The following AHDC1 variants were observed in gnomAD, a reference collection of about 807,000 sequenced individuals.
AHDC1 encodes transcription factor Gibbin.
Under a neutral mutation model 87.9 loss-of-function variants are expected in AHDC1, and 7 were observed. That is an observed-to-expected ratio of 0.08 (90% CI 0.05 to 0.15). The LOEUF (loss-of-function observed/expected upper bound fraction) is 0.15, where lower values mean the gene tolerates loss of function less well. AHDC1 is among the 10% of genes least tolerant of loss of function. AHDC1 has a pLI of 1.00. For synonymous variants in AHDC1, 1,051 were observed against 1,006.8 expected (o/e 1.04, Z -0.83); for missense variants, 1,841 against 2,253.2 (o/e 0.82, Z 3.70).
rs1464599617 is a variant in AHDC1 at position 27,562,346 on chromosome 1, C to A, written c.-628-3463G>T. Among the ~76,000 whole-genome samples the A allele has an allele frequency of 6.6e-6, 1 of 152,146 alleles. No individual in the cohort carries two copies. Among genetic ancestry groups the A allele is most frequent in the Non-Finnish European group, 1.5e-5 (1 of 68,008 alleles). ...CCCCGGTGCACTGATCGACTGACTA[C>A]CTGAGCTCCCGGCCCGCGCAGAGCT... On this transcript the variant is annotated intron_variant, in intron 3 of 8. Coordinates refer to ENST00000673934, the MANE Select transcript of AHDC1 (RefSeq NM_001371928.1). This position sits in a 1 kb window ranked among gnomAD's most constrained non-coding sequence, Gnocchi z 4.4.
Position 27,565,543 on chromosome 1 carries a change from C to T in AHDC1, c.-628-6660G>A, listed in dbSNP as rs2020281252. Among the ~76,000 whole-genome samples the T allele has an allele frequency of 6.6e-6, 1 of 152,224 alleles. No individual in the cohort carries two copies. Among genetic ancestry groups the T allele is most frequent in the Non-Finnish European group, 1.5e-5 (1 of 68,034 alleles). On this transcript the variant is annotated intron_variant, in intron 3 of 8. Transcript: ENST00000673934. This position sits in a 1 kb window ranked among gnomAD's most constrained non-coding sequence, Gnocchi z 4.6. ...TGATTCCACCCATGCCCTGGACAAA[C>T]ATTCTGTCTGGTGTCCCCCGGCGCT...
chr1:27,559,805 C>T (rs898753154), intron 3 of AHDC1, among the ~76,000 whole-genome samples: 8 of 152,200 alleles, frequency 5.3e-5, no homozygotes, highest in African/African-American at 1.7e-4. Flanking sequence ...TCTGCCTCCT[C>T]GAGGTCTGTA....
At chr1:27,543,736 A>T (rs1460635940) in intron 8 of AHDC1, among the ~76,000 whole-genome samples, 1 of 152,126 alleles carries the variant, frequency 6.6e-6, no homozygotes, top group Non-Finnish European at 1.5e-5. Context: ...CAAGGTCAGG[A>T]GTTCGAGAAC....
chr1:27,596,033 C>A (rs2089362390), intron 3 of AHDC1, among the ~76,000 whole-genome samples: 1 of 151,812 alleles, frequency 6.6e-6, no homozygotes, highest in Admixed American at 6.6e-5. Flanking sequence ...GTCCCTGGAC[C>A]CCAGAGAGGT....
chr1:27,545,034 C>T (rs1197238051), intron 8 of AHDC1, among the ~76,000 whole-genome samples: 3 of 152,106 alleles, frequency 2.0e-5, no homozygotes, highest in Non-Finnish European at 4.4e-5. Flanking sequence ...TTCCACACTG[C>T]TGTTCCCTCT....
chr1:27,552,445 C>T, intron 7 of AHDC1: 1 of 274,048 alleles, frequency 3.6e-6, no homozygotes, highest in East Asian at 6.1e-5. Context: ...GTCGCCCAGG[C>T]TAGAGTGAAG....
Position 27,580,154 on chromosome 1 carries a change from A to C in AHDC1, c.-628-21271T>G, listed in dbSNP as rs528303738. ...GGGAGGGAGGGTAGATTCCAGAGACAGCACTGGAGGCTGAGTCAAAGAGTT... is the reference window on the plus strand; with the variant it reads ...GGGAGGGAGGGTAGATTCCAGAGACCGCACTGGAGGCTGAGTCAAAGAGTT... On this transcript the variant is annotated intron_variant, in intron 3 of 8. Coordinates refer to ENST00000673934, the MANE Select transcript of AHDC1 (RefSeq NM_001371928.1). Among the ~76,000 whole-genome samples, 10 of 152,326 alleles carry C rather than the reference A, an allele frequency of 6.6e-5. No individual in the cohort carries two copies. The South Asian group carries it at 2.1e-3, about 32-fold the overall frequency.
chr1:27,599,505 C>T (rs978889282), intron 3 of AHDC1, among the ~76,000 whole-genome samples: 7 of 152,208 alleles, frequency 4.6e-5, no homozygotes, highest in African/African-American at 1.7e-4. Flanking sequence ...TTCCAATTCT[C>T]TAACTACAGT....
At chr1:27,583,675 T>A (rs1430432717) in intron 3 of AHDC1, among the ~76,000 whole-genome samples, 1 of 152,152 alleles carries the variant, frequency 6.6e-6, no homozygotes, top group Non-Finnish European at 1.5e-5. Context: ...TGACTAATAG[T>A]GTGGCTTTTG....
At chr1:27,576,189 G>T (rs1449694313) in intron 3 of AHDC1, among the ~76,000 whole-genome samples, 1 of 152,152 alleles carries the variant, frequency 6.6e-6, no homozygotes, top group Non-Finnish European at 1.5e-5. Flanking sequence ...CCAATCACAG[G>T]CCTCGATTTC....
intron 3 of AHDC1, among the ~76,000 whole-genome samples, chr1:27,575,089 C>T (rs1395407002): frequency 6.6e-6 from 1 of 152,234 alleles, no homozygotes; most frequent in Admixed American, 6.5e-5. Context: ...CCTAGCAGCC[C>T]TCAGATTCCT....
In AHDC1 at chr1:27,548,338, A is replaced by G. The variant is rs774547651; in HGVS notation, c.3778T>C (p.Tyr1260His). The G allele has an allele frequency of 3.7e-6, 6 of 1,606,220 alleles. No individual in the cohort carries two copies. The highest frequency in any genetic ancestry group is 5.1e-6 in the Non-Finnish European group (6 of 1,174,758). The change falls in exon 8 of 9, where the codon TAC (tyrosine) becomes CAC (histidine). Residue 1260 changes from tyrosine (Y) to histidine (H), a missense_variant. Coordinates refer to ENST00000673934, the MANE Select transcript of AHDC1 (RefSeq NM_001371928.1). ...GGCCCAGTGCTCCGTTTGGATGGGT[A>G]GCCTGAGGCAGCGGCAGAGGCGGAT... ...PTSASAAASG[Y>H]PSKRSTGPRQ...
At chr1:27,577,836 G>C (rs2088800751) in intron 3 of AHDC1, among the ~76,000 whole-genome samples, 1 of 152,168 alleles carries the variant, frequency 6.6e-6, no homozygotes, top group East Asian at 1.9e-4. Flanking sequence ...GGAACTGGGG[G>C]CCAGTGCTCA....
intron 3 of AHDC1, among the ~76,000 whole-genome samples, chr1:27,577,610 C>G (rs2088792601): frequency 6.6e-6 from 1 of 152,126 alleles, no homozygotes. Flanking sequence ...CAAGGAAGCA[C>G]AAAGACTGGC....
At position 27,550,331 on chromosome 1, in the gene AHDC1, T is replaced by C; in HGVS notation, c.1785A>G (p.Ala595=). 1 of 1,614,074 alleles carries C rather than the reference T, an allele frequency of 6.2e-7. No individual in the cohort carries two copies. Among genetic ancestry groups the C allele is most frequent in the Non-Finnish European group, 8.5e-7 (1 of 1,179,990 alleles). The change falls in exon 8 of 9, where the codon GCA becomes GCG. Residue 595 remains alanine (A), a synonymous_variant. Transcript: ENST00000673934. The part of the protein sequence containing the change: ...KKRRRRKQKL[A]SPQPSYAADA... ...CTGCTGCATAGGATGGCTGGGGAGATGCCAGCTTCTGCTTCCGCCGCCGTC... is the reference window on the plus strand; with the variant it reads ...CTGCTGCATAGGATGGCTGGGGAGACGCCAGCTTCTGCTTCCGCCGCCGTC...
At position 27,562,455 on chromosome 1, in the gene AHDC1, C is replaced by T. The variant is rs1262693806; in HGVS notation, c.-628-3572G>A. On this transcript the variant is annotated intron_variant, in intron 3 of 8. Transcript: ENST00000673934. The surrounding 1 kb of genome is among the most constrained non-coding windows in gnomAD (Gnocchi z 4.4). Reference sequence around the variant, plus strand: ...AGAGGCAGGAAATAGGGTCCCCAGGCCCTCAGGGACACAGCCCCCTGCCTC... The same window carrying T: ...AGAGGCAGGAAATAGGGTCCCCAGGTCCTCAGGGACACAGCCCCCTGCCTC... 2.0e-5 allele frequency among the ~76,000 whole-genome samples: 3 copies of T among 152,142 alleles called. No homozygotes were observed. The highest frequency in any genetic ancestry group is 4.4e-5 in the Non-Finnish European group (3 of 68,000).
At chr1:27,544,325 A>C (rs917369276) in intron 8 of AHDC1, among the ~76,000 whole-genome samples, 1 of 152,098 alleles carries the variant, frequency 6.6e-6, no homozygotes, top group African/African-American at 2.4e-5. Context: ...TGTCCAGCAA[A>C]TCTTTGTTTC....
chr1:27,590,582 T>C lies in AHDC1; in HGVS notation c.-629+12815A>G, dbSNP rs1295982163. Among the ~76,000 whole-genome samples the C allele has an allele frequency of 6.6e-6, 1 of 151,148 alleles. No homozygotes were observed. The highest frequency in any genetic ancestry group is 3.4e-3 in the Middle Eastern group (1 of 294). On this transcript the variant is annotated intron_variant, in intron 3 of 8. Coordinates refer to ENST00000673934, the MANE Select transcript of AHDC1 (RefSeq NM_001371928.1). The surrounding 1 kb of genome is among the most constrained non-coding windows in gnomAD (Gnocchi z 5.4). ...GGTGAGTGTTTTGCTTCTCTCAGAC[T>C]TGGGGGGTCTGAGGACAAGGCTGTG...
At chr1:27,540,144 C>T (rs2018840005) in intron 8 of AHDC1, among the ~76,000 whole-genome samples, 1 of 152,196 alleles carries the variant, frequency 6.6e-6, no homozygotes, top group Non-Finnish European at 1.5e-5. Flanking sequence ...TTCTGTGCTT[C>T]AATGACCAGG....
Sources: gnomAD v4.1 joint callset for allele counts (sites outside exome capture counted in the v4.1 genomes callset) on GRCh38, gnomAD v4.1.1 for gene constraint, Gnocchi (gnomAD v3.1) non-coding constraint, MANE v1.5 for transcripts, NCBI Gene and HGNC (gene_info 2026-07-23, HGNC 2026-07-21) for gene names.